The following PDE4D variants were observed in gnomAD, a reference collection of about 807,000 sequenced individuals.
PDE4D encodes 3',5'-cyclic-AMP phosphodiesterase 4D.
A neutral mutation model predicts 87.4 loss-of-function variants in PDE4D; 24 were observed. That is an observed-to-expected ratio of 0.27 (90% CI 0.20 to 0.39). PDE4D has a LOEUF of 0.39. Among genes scored for constraint, PDE4D ranks in the 10% least tolerant of loss-of-function variants. The pLI, the probability that PDE4D is intolerant of heterozygous loss-of-function variation, is 1.00. For missense variants in PDE4D, 714 were observed against 1,041.0 expected (o/e 0.69, Z 4.32); for synonymous variants, 384 against 383.2 (o/e 1.00, Z -0.02).
intron 1 of PDE4D, among the ~76,000 whole-genome samples, chr5:60,352,983 G>C (rs770761381): frequency 7.2e-5 from 11 of 152,140 alleles, no homozygotes; most frequent in Admixed American, 2.6e-4. Context: ...CTCAACTAAA[G>C]ATAACAGAAT....
chr5:59,772,256 C>T (rs574857864), intron 1 of PDE4D, among the ~76,000 whole-genome samples: 12 of 152,276 alleles, frequency 7.9e-5, no homozygotes, highest in African/African-American at 2.9e-4. Flanking sequence ...AACAGGAGCA[C>T]TCCACAGCTT....
At chr5:59,847,033 G>A (rs1316617793) in intron 1 of PDE4D, among the ~76,000 whole-genome samples, 5 of 151,970 alleles carry the variant, frequency 3.3e-5, no homozygotes, top group African/African-American at 9.7e-5. Context: ...AGCCTATTTC[G>A]TTGACAGAGG....
intron 1 of PDE4D, among the ~76,000 whole-genome samples, chr5:59,451,194 C>A (rs1240966591): frequency 6.6e-6 from 1 of 152,322 alleles, no homozygotes; most frequent in Non-Finnish European, 1.5e-5. Context: ...CTGAAACACT[C>A]CTTTCCTTTG....
intron 3 of PDE4D, among the ~76,000 whole-genome samples, chr5:59,982,733 A>C (rs1762049925): frequency 6.6e-6 from 1 of 152,222 alleles, no homozygotes; most frequent in Non-Finnish European, 1.5e-5. Context: ...ACAAGTCCAT[A>C]ATAACTGTAA....
intron 1 of PDE4D, among the ~76,000 whole-genome samples, chr5:60,405,819 T>C (rs1024186185): frequency 6.6e-6 from 1 of 152,214 alleles, no homozygotes; most frequent in African/African-American, 2.4e-5. Context: ...GATCATAGAT[T>C]ATTGAAGTTA....
At chr5:59,219,283 A>G (rs1329708519) in intron 1 of PDE4D, among the ~76,000 whole-genome samples, 2 of 152,146 alleles carry the variant, frequency 1.3e-5, no homozygotes, top group African/African-American at 2.4e-5. Context: ...GTGTTGGAGT[A>G]AAGTAACTTG....
chr5:59,706,657 G>T (rs1377734365), intron 1 of PDE4D, among the ~76,000 whole-genome samples: 2 of 152,112 alleles, frequency 1.3e-5, no homozygotes, highest in African/African-American at 2.4e-5. Flanking sequence ...AGAGAGAAAT[G>T]AATTCTAGAA....
At chr5:59,783,399 T>C (rs893132366) in intron 1 of PDE4D, among the ~76,000 whole-genome samples, 1 of 152,210 alleles carries the variant, frequency 6.6e-6, no homozygotes, top group African/African-American at 2.4e-5. Flanking sequence ...TCCACATCTA[T>C]AAATTAAGGC....
intron 1 of PDE4D, among the ~76,000 whole-genome samples, chr5:59,265,920 G>A (rs1762782960): frequency 6.6e-6 from 1 of 151,862 alleles, no homozygotes; most frequent in Admixed American, 6.6e-5. Flanking sequence ...TATATTGAGA[G>A]GAAAGAAGTA....
chr5:60,347,346 C>T (rs1005850313), intron 1 of PDE4D, among the ~76,000 whole-genome samples: 3 of 151,986 alleles, frequency 2.0e-5, no homozygotes, highest in Non-Finnish European at 4.4e-5. Context: ...TTCTTAGGAG[C>T]CAGATCATGC....
chr5:59,541,796 G>T (rs1239864856), intron 1 of PDE4D, among the ~76,000 whole-genome samples: 1 of 152,150 alleles, frequency 6.6e-6, no homozygotes, highest in Non-Finnish European at 1.5e-5. Context: ...TTCAGGCTCA[G>T]CCTGAGTTCC....
rs1158649788 is a variant in PDE4D, at chr5:58,972,560, A to C, written c.*2104T>G. The C allele has an allele frequency of 1.3e-5, 2 of 152,154 alleles. No individual in the cohort carries two copies. The highest frequency in any genetic ancestry group is 3.9e-4 in the East Asian group (2 of 5,192). 9.4% of individuals were successfully genotyped at this position (152,154 alleles called of 1,614,324 possible). On this transcript the variant is annotated 3_prime_UTR_variant, in exon 15 of 15. Transcript: ENST00000340635. The stretch of plus-strand genomic sequence containing the variant: ...AGGCTCCTTGAGAAGTTCCACATAT[A>C]AATGCTTTTCAGAGTTGTAATTCTT...
chr5:59,111,505 C>T (rs1340009998), intron 5 of PDE4D, among the ~76,000 whole-genome samples: 1 of 152,054 alleles, frequency 6.6e-6, no homozygotes, highest in Non-Finnish European at 1.5e-5. Flanking sequence ...GTGCAACTGC[C>T]CTAATGTACA....
chr5:59,187,175 T>A (rs1235605407), intron 3 of PDE4D, among the ~76,000 whole-genome samples: 3 of 152,132 alleles, frequency 2.0e-5, no homozygotes, highest in Admixed American at 6.6e-5. Flanking sequence ...GAAACATCAG[T>A]CATGAAAAGA....
intron 2 of PDE4D, among the ~76,000 whole-genome samples, chr5:60,182,607 C>T (rs184432288): frequency 2.8e-4 from 43 of 151,858 alleles, no homozygotes; most frequent in African/African-American, 8.9e-4. Flanking sequence ...ACTCCAGCGC[C>T]GTGGCTCATG....
chr5:59,942,740 G>A (rs767577237), intron 3 of PDE4D, among the ~76,000 whole-genome samples: 3 of 151,814 alleles, frequency 2.0e-5, no homozygotes, highest in Non-Finnish European at 4.4e-5. Flanking sequence ...AATAGGATCG[G>A]CTGTGATAGG....
chr5:59,766,759 C>A (rs1434386783), intron 1 of PDE4D, among the ~76,000 whole-genome samples: 1 of 152,240 alleles, frequency 6.6e-6, no homozygotes, highest in Non-Finnish European at 1.5e-5. Flanking sequence ...TTTATTCATG[C>A]CTTTCTTTTA....
chr5:59,979,411 C>T (rs192743470), intron 3 of PDE4D, among the ~76,000 whole-genome samples: 106 of 85,802 alleles, frequency 1.2e-3, no homozygotes, highest in African/African-American at 3.2e-3. Flanking sequence ...CTAGCTTTCA[C>T]ACAGCAAGGG....
chr5:60,097,082 T>C (rs764576518), intron 2 of PDE4D, among the ~76,000 whole-genome samples: 3 of 152,062 alleles, frequency 2.0e-5, no homozygotes, highest in Admixed American at 6.6e-5. Flanking sequence ...TGGGAGGTAA[T>C]GTGCTAAGCT....
Sources: gnomAD v4.1 joint callset for allele counts (sites outside exome capture counted in the v4.1 genomes callset) on GRCh38, gnomAD v4.1.1 for gene constraint, MANE v1.5 for transcripts, NCBI Gene and HGNC (gene_info 2026-07-23, HGNC 2026-07-21) for gene names.